The following TRHDE variants were observed in gnomAD, a reference collection of about 807,000 sequenced individuals.
TRHDE encodes the protein thyrotropin releasing hormone degrading enzyme, also known as thyrotropin-releasing hormone-degrading ectoenzyme.
A neutral mutation model predicts 125.7 loss-of-function variants in TRHDE; 72 were observed. That is an observed-to-expected ratio of 0.57 (90% CI 0.47 to 0.70). The LOEUF (loss-of-function observed/expected upper bound fraction) is 0.70. Among genes scored for constraint, TRHDE ranks in the 30% least tolerant of loss-of-function variants. The pLI is 0.00. For missense variants in TRHDE, 1,110 were observed against 1,327.1 expected (o/e 0.84, Z 2.54); for synonymous variants, 509 against 509.1 (o/e 1.00, Z 0.00).
intron 2 of TRHDE, among the ~76,000 whole-genome samples, chr12:72,231,412 T>C (rs1378876602): frequency 6.6e-6 from 1 of 152,132 alleles, no homozygotes; most frequent in African/African-American, 2.4e-5. Context: ...CCACCCCCTT[T>C]TGGAGGAATA....
At chr12:72,280,206 G>A (rs906129447) in intron 1 of TRHDE, among the ~76,000 whole-genome samples, 1 of 152,164 alleles carries the variant, frequency 6.6e-6, no homozygotes. Flanking sequence ...TGTGTGTCTA[G>A]TGTCCTCATC....
intron 2 of TRHDE, among the ~76,000 whole-genome samples, chr12:72,302,873 G>A (rs142832030): frequency 6.6e-6 from 1 of 152,150 alleles, no homozygotes; most frequent in Non-Finnish European, 1.5e-5. Flanking sequence ...TTTGTTGTGG[G>A]AGTCTGTCCT....
intron 18 of TRHDE, among the ~76,000 whole-genome samples, chr12:72,657,893 A>G (rs1456285506): frequency 6.6e-6 from 1 of 152,204 alleles, no homozygotes; most frequent in Non-Finnish European, 1.5e-5. Flanking sequence ...GATATTTGAC[A>G]TTGAGAATGA....
chr12:72,319,463 C>T (rs570072362), intron 2 of TRHDE, among the ~76,000 whole-genome samples: 5 of 152,274 alleles, frequency 3.3e-5, no homozygotes, highest in African/African-American at 9.6e-5. Context: ...ACCTTGAACT[C>T]TTTTCTGCTC....
At chr12:72,656,614 C>T (rs1874717332) in intron 17 of TRHDE, among the ~76,000 whole-genome samples, 1 of 152,080 alleles carries the variant, frequency 6.6e-6, no homozygotes, top group Non-Finnish European at 1.5e-5. Context: ...ATTTTGTTCT[C>T]AGGCCTTGGC....
chr12:72,620,243 T>C (rs978480165), intron 13 of TRHDE, among the ~76,000 whole-genome samples: 5 of 151,676 alleles, frequency 3.3e-5, no homozygotes, highest in Admixed American at 2.6e-4. Flanking sequence ...ATCATTTTTA[T>C]TGTAATTTCA....
intron 9 of TRHDE, 144 bp downstream of exon 9, chr12:72,563,184 G>C: frequency 1.7e-6 from 1 of 605,962 alleles, no homozygotes; most frequent in East Asian, 3.3e-5. Context: ...AAGTTACTTT[G>C]ATTCTCCTTT....
At chr12:72,636,931 T>C (rs1426440903) in intron 15 of TRHDE, among the ~76,000 whole-genome samples, 1 of 152,156 alleles carries the variant, frequency 6.6e-6, no homozygotes, top group Non-Finnish European at 1.5e-5. Context: ...GATTTTTGCA[T>C]CAATGTTCAT....
intron 2 of TRHDE, among the ~76,000 whole-genome samples, chr12:72,375,198 A>G (rs1278320892): frequency 6.6e-6 from 1 of 152,076 alleles, no homozygotes; most frequent in Non-Finnish European, 1.5e-5. Flanking sequence ...TTGTTAATTT[A>G]TTTGTTTGCT....
chr12:72,605,380 T>G (rs114478236), intron 12 of TRHDE, among the ~76,000 whole-genome samples: 1,655 of 152,168 alleles, frequency 0.011, 30 homozygotes, highest in African/African-American at 0.037. Flanking sequence ...ACTCAATGTA[T>G]TTTTTTAGCT....
chr12:72,437,648 A>T (rs1874804939), intron 3 of TRHDE, among the ~76,000 whole-genome samples: 2 of 151,768 alleles, frequency 1.3e-5, no homozygotes, highest in Admixed American at 1.3e-4. Flanking sequence ...TGACATTTTG[A>T]CTCACTTTTT....
chr12:72,380,221 A>T (rs941901212), intron 3 of TRHDE, among the ~76,000 whole-genome samples: 24 of 152,162 alleles, frequency 1.6e-4, no homozygotes, highest in Middle Eastern at 3.2e-3. Flanking sequence ...CCTACCGTGG[A>T]CATTTTTCTA....
chr12:72,262,091 T>C (rs1355789061), intron 2 of TRHDE, among the ~76,000 whole-genome samples: 3 of 152,186 alleles, frequency 2.0e-5, no homozygotes, highest in African/African-American at 4.8e-5. Context: ...CCCTCTCAGG[T>C]TGGCAGTAGC....
chr12:72,448,293 C>G (rs2135866094), intron 3 of TRHDE, among the ~76,000 whole-genome samples: 1 of 152,098 alleles, frequency 6.6e-6, no homozygotes, highest in East Asian at 1.9e-4. Context: ...TATTACAGTG[C>G]CTTGCGTAAG....
At chr12:72,326,488 G>C (rs1463618438) in intron 2 of TRHDE, among the ~76,000 whole-genome samples, 1 of 152,068 alleles carries the variant, frequency 6.6e-6, no homozygotes, top group Non-Finnish European at 1.5e-5. Flanking sequence ...GATAGGTGCA[G>C]CAAACCACCA....
intron 3 of TRHDE, among the ~76,000 whole-genome samples, chr12:72,380,819 T>A (rs1872135098): frequency 9.1e-6 from 1 of 109,618 alleles, no homozygotes; most frequent in Non-Finnish European, 2.0e-5. Context: ...TCCTTCCTTA[T>A]TCCCTCCCTC....
At chr12:72,214,584 G>A (rs561909736) in intron 2 of TRHDE, among the ~76,000 whole-genome samples, 2 of 152,236 alleles carry the variant, frequency 1.3e-5, no homozygotes, top group African/African-American at 4.8e-5. Context: ...AAAGTATTCA[G>A]TGTTTTACAT....
At chr12:72,430,087 A>G (rs1054081010) in intron 3 of TRHDE, among the ~76,000 whole-genome samples, 1 of 151,200 alleles carries the variant, frequency 6.6e-6, no homozygotes, top group Non-Finnish European at 1.5e-5. Context: ...TGCCTAACTC[A>G]AGGTCACTGT....
chr12:72,530,759 G>A (rs1393225195), intron 6 of TRHDE, among the ~76,000 whole-genome samples: 1 of 150,780 alleles, frequency 6.6e-6, no homozygotes. Flanking sequence ...AATCTTTCCT[G>A]ATTATCTTAC....
Sources: allele counts gnomAD v4.1 joint callset (sites outside exome capture counted in the v4.1 genomes callset), GRCh38; gene constraint gnomAD v4.1.1; transcripts MANE v1.5; gene names NCBI Gene and HGNC (gene_info 2026-07-23, HGNC 2026-07-21).